Variants in SNX16 observed in about 807,000 individuals in gnomAD.
The protein encoded by SNX16 is sorting nexin 16.
In SNX16, 35 loss-of-function variants were observed where a neutral mutation model predicts 36.7. The observed-to-expected ratio is 0.95, with a 90% CI of 0.73 to 1.27. The LOEUF (loss-of-function observed/expected upper bound fraction) is 1.27. Among genes scored for constraint, SNX16 ranks in the 50% most tolerant of loss-of-function variants. The probability of loss-of-function intolerance (pLI) is 0.00; values close to 1 mark genes in which losing one functional copy is unlikely to be tolerated. For synonymous variants in SNX16, 134 were observed against 132.0 expected (o/e 1.02, Z -0.10); for missense variants, 367 against 393.6 (o/e 0.93, Z 0.57).
intron 2 of SNX16, among the ~76,000 whole-genome samples, chr8:81,830,027 T>C (rs1811182843): frequency 6.6e-6 from 1 of 152,202 alleles, no homozygotes; most frequent in Admixed American, 6.5e-5. Context: ...TGTGATTCTA[T>C]GCCTAGAAAA....
chr8:81,832,531 C>A (rs888391859), intron 2 of SNX16, among the ~76,000 whole-genome samples: 4 of 151,890 alleles, frequency 2.6e-5, no homozygotes, highest in Admixed American at 6.6e-5. Context: ...GCACATGTAT[C>A]CTTTGAATCT....
Position 81,802,489 on chromosome 8 carries a change from A to C in SNX16, c.829T>G (p.Leu277Val). The change falls in exon 7 of 8, where the codon TTA becomes GTA. Residue 277 changes from leucine to valine, a missense_variant. Leu to Val is a conservative substitution (Grantham distance 32). Coordinates refer to ENST00000345957, the MANE Select transcript of SNX16 (RefSeq NM_152836.3). ...ACATCCAGTGATTCTTCAGGTTCTAAAGACAATGTTCTAAAAGTATGTTAT... is the reference window on the plus strand; with the variant it reads ...ACATCCAGTGATTCTTCAGGTTCTACAGACAATGTTCTAAAAGTATGTTAT... Reference protein sequence around the residue: ...TLENRIRTLSLEPEESLDVSE... With the variant: ...TLENRIRTLSVEPEESLDVSE... The C allele has an allele frequency of 2.5e-6, 4 of 1,607,088 alleles. No individual in the cohort carries two copies. Among genetic ancestry groups the C allele is most frequent in the Non-Finnish European group, 3.4e-6 (4 of 1,176,502 alleles).
intron 5 of SNX16, among the ~76,000 whole-genome samples, chr8:81,812,381 A>T (rs1460134233): frequency 6.6e-6 from 1 of 152,122 alleles, no homozygotes; most frequent in Non-Finnish European, 1.5e-5. Flanking sequence ...CATCATAATC[A>T]AACTGCTGAA....
At chr8:81,806,567 A>C (rs1477989454) in intron 5 of SNX16, among the ~76,000 whole-genome samples, 2 of 152,194 alleles carry the variant, frequency 1.3e-5, no homozygotes, top group Admixed American at 1.3e-4. Flanking sequence ...CAGCCTATAG[A>C]AAACTCCATA....
At position 81,800,718 on chromosome 8, in the gene SNX16, TG is replaced by T. The variant is rs1243305124; in HGVS notation, c.*778del. On this transcript the variant is annotated 3_prime_UTR_variant, in exon 8 of 8. Coordinates refer to ENST00000345957, the MANE Select transcript of SNX16 (RefSeq NM_152836.3). ...TAGAATCTATATTTTCGAAAGAATA[TG>T]CCTTAACAAAAGGAGGTAGTATTCT... The T allele has an allele frequency of 2.0e-5, 3 of 152,198 alleles. No homozygotes were observed. Among genetic ancestry groups the T allele is most frequent in the African/African-American group, 7.2e-5 (3 of 41,440 alleles). 9.4% of individuals were successfully genotyped at this position (152,198 alleles called of 1,614,324 possible).
intron 5 of SNX16, among the ~76,000 whole-genome samples, chr8:81,810,860 C>T (rs539788515): frequency 3.9e-5 from 6 of 152,086 alleles, no homozygotes; most frequent in Non-Finnish European, 8.8e-5. Context: ...AGTTATCCAG[C>T]CCTAAATGCC....
chr8:81,802,408 C>G lies in SNX16; in HGVS notation c.910G>C (p.Asp304His). 1.2e-6 allele frequency: 2 copies of G among 1,607,242 alleles called. No individual in the cohort carries two copies. The highest frequency in any genetic ancestry group is 1.7e-6 in the Non-Finnish European group (2 of 1,176,610). The change falls in exon 7 of 8, where the codon GAT becomes CAT. Residue 304 changes from aspartate to histidine, a missense_variant. Transcript: ENST00000345957. ...LKVESSALEVDQDVLDEESRA... is the reference protein window; with the variant it reads ...LKVESSALEVHQDVLDEESRA... ...GATTCTTCATCCAGGACATCTTGAT[C>G]AACCTCAAGTGCAGAGGACTCCACC...
chr8:81,818,900 A>T (rs2130680706), intron 4 of SNX16, among the ~76,000 whole-genome samples: 1 of 152,190 alleles, frequency 6.6e-6, no homozygotes, highest in East Asian at 1.9e-4. Context: ...TTCCAAAAAC[A>T]ATCTTTCAAA....
At chr8:81,841,674 C>T (rs1276583531) in intron 1 of SNX16, 1 of 152,316 alleles carries the variant, frequency 6.6e-6, no homozygotes, top group Non-Finnish European at 1.5e-5. Flanking sequence ...GTGCTGTGCT[C>T]ATTAGGAGCG....
At chr8:81,831,956 T>G (rs1811292000) in intron 2 of SNX16, among the ~76,000 whole-genome samples, 1 of 152,194 alleles carries the variant, frequency 6.6e-6, no homozygotes, top group African/African-American at 2.4e-5. Context: ...ACTTATATAT[T>G]GCTGGTAGAA....
intron 2 of SNX16, among the ~76,000 whole-genome samples, chr8:81,837,868 A>G (rs1044581707): frequency 6.6e-5 from 10 of 152,206 alleles, no homozygotes; most frequent in Non-Finnish European, 1.5e-4. Context: ...AAGATTTCCT[A>G]TATCACAGTC....
In SNX16 at chr8:81,839,800, T is replaced by C; in HGVS notation, c.187A>G (p.Asn63Asp). Residue 63 changes from asparagine (N) to aspartate (D), a missense_variant, in exon 2 of 8, where the codon AAT (asparagine) becomes GAT (aspartate). By Grantham distance (23) the Asn-to-Asp change is conservative. Transcript: ENST00000345957. Reference protein sequence around the residue: ...KQTSVPDQMDNTSSVCSSPLI... With the variant: ...KQTSVPDQMDDTSSVCSSPLI... Reference sequence around the variant, plus strand: ...GGACTGCTACAGACAGATGAAGTATTATCCATTTGATCAGGAACACTTGTC... The same window carrying C: ...GGACTGCTACAGACAGATGAAGTATCATCCATTTGATCAGGAACACTTGTC... 1.2e-6 allele frequency: 2 copies of C among 1,613,628 alleles called. No individual in the cohort carries two copies. The highest frequency in any genetic ancestry group is 1.7e-6 in the Non-Finnish European group (2 of 1,179,536).
At chr8:81,831,746 A>G (rs1305253418) in intron 2 of SNX16, among the ~76,000 whole-genome samples, 1 of 152,004 alleles carries the variant, frequency 6.6e-6, no homozygotes, top group Non-Finnish European at 1.5e-5. Flanking sequence ...AACCTCATTA[A>G]AAGTAGGCAA....
At chr8:81,822,966 ATATATATATACACATATGTGTG>A (rs1810838831) in intron 4 of SNX16, among the ~76,000 whole-genome samples, 1 of 126,932 alleles carries the variant, frequency 7.9e-6, no homozygotes, top group African/African-American at 2.8e-5. Context: ...ATATATATAT[ATATATATATACACATATGTGTG>A]TGTATATCTA....
At position 81,839,708 on chromosome 8, in the gene SNX16, A is replaced by C; in HGVS notation, c.279T>G (p.Thr93=). 1 of 1,613,926 alleles carries C rather than the reference A, an allele frequency of 6.2e-7. No homozygotes were observed. Among genetic ancestry groups the C allele is most frequent in the East Asian group, 2.2e-5 (1 of 44,852 alleles). The change falls in exon 2 of 8, where the codon ACT becomes ACG. Residue 93 remains threonine, a synonymous_variant. Transcript: ENST00000345957. ...SIEYSTRPRD[T]EEQNPETVNW... ...TCACTGTTTCCGGATTTTGTTCTTC[A>C]GTGTCTCTTGGTCTAGTAGAATACT...
intron 4 of SNX16, among the ~76,000 whole-genome samples, chr8:81,819,350 C>T (rs182204582): frequency 1.3e-5 from 2 of 152,124 alleles, no homozygotes; most frequent in East Asian, 3.9e-4. Flanking sequence ...CTATATTCAC[C>T]TTGATAAACT....
At chr8:81,827,083 T>C (rs2130724895) in intron 3 of SNX16, among the ~76,000 whole-genome samples, 1 of 152,298 alleles carries the variant, frequency 6.6e-6, no homozygotes, top group Middle Eastern at 3.4e-3. Flanking sequence ...TGGGTAGAGC[T>C]CTTTCTGGTA....
intron 4 of SNX16, 111 bp downstream of exon 4, chr8:81,823,681 A>T: frequency 1.1e-6 from 1 of 897,720 alleles, no homozygotes; most frequent in Non-Finnish European, 1.6e-6. Flanking sequence ...AAGTAATTAT[A>T]CTCCAACCCT....
intron 5 of SNX16, among the ~76,000 whole-genome samples, chr8:81,810,667 A>G (rs1411416476): frequency 1.3e-5 from 2 of 152,210 alleles, no homozygotes; most frequent in Non-Finnish European, 2.9e-5. Flanking sequence ...TTGGTGACTT[A>G]TTTAAATCAG....
Sources: gnomAD v4.1 joint callset for allele counts (sites outside exome capture counted in the v4.1 genomes callset) on GRCh38, gnomAD v4.1.1 for gene constraint, MANE v1.5 for transcripts, NCBI Gene and HGNC (gene_info 2026-07-23, HGNC 2026-07-21) for gene names.